PAPPA2: variants seen among roughly 807,000 people sequenced by gnomAD.
PAPPA2 encodes the protein pappalysin 2, also known as pappalysin-2.
PAPPA2 carries 86 observed loss-of-function variants against 176.4 expected under a neutral mutation model. The observed-to-expected ratio is 0.49, with a 90% CI of 0.41 to 0.58. PAPPA2 has a LOEUF of 0.58. PAPPA2 is among the 20% of genes least tolerant of loss of function. The pLI, the probability that PAPPA2 is intolerant of heterozygous loss-of-function variation, is 0.00. For synonymous variants in PAPPA2, 809 were observed against 852.2 expected (o/e 0.95, Z 0.88); for missense variants, 2,073 against 2,256.9 (o/e 0.92, Z 1.65).
intron 12 of PAPPA2, among the ~76,000 whole-genome samples, chr1:176,716,117 A>G (rs909258847): frequency 1.3e-5 from 2 of 151,850 alleles, no homozygotes; most frequent in Non-Finnish European, 2.9e-5. Context: ...TGACTATCAA[A>G]AATGTTCTCC....
chr1:176,480,791 C>T (rs1170586212), intron 1 of PAPPA2, among the ~76,000 whole-genome samples: 1 of 152,040 alleles, frequency 6.6e-6, no homozygotes, highest in Non-Finnish European at 1.5e-5. Context: ...CAGGCTCTTG[C>T]CATCTTGCCA....
In PAPPA2 at chr1:176,637,656, G is replaced by A. The variant is rs566072389; in HGVS notation, c.1992-33314G>A. On this transcript the variant is annotated intron_variant, in intron 3 of 22. Transcript: ENST00000367662. The stretch of plus-strand genomic sequence containing the variant: ...ACAGCTTTTTCATGACTATTTGAAG[G>A]TGAGAAGGCATGGGATCTAATCCAA... Among the ~76,000 whole-genome samples the A allele has an allele frequency of 2.7e-4, 41 of 152,220 alleles. 1 individual carries two copies. Among genetic ancestry groups the A allele is most frequent in the Non-Finnish European group, 4.7e-4 (32 of 68,020 alleles).
chr1:176,765,620 C>T (rs3737759), intron 14 of PAPPA2, 46 bp from the exon 15 acceptor site: 552,071 of 1,572,296 alleles, frequency 0.35, 101,476 homozygotes, highest in Middle Eastern at 0.52. Flanking sequence ...CTCCTCCTTA[C>T]TGGTTCTCAA....
At chr1:176,840,679 G>A (rs1035651069) in intron 22 of PAPPA2, among the ~76,000 whole-genome samples, 6 of 152,000 alleles carry the variant, frequency 3.9e-5, no homozygotes, top group Admixed American at 2.6e-4. Flanking sequence ...CAAGCATCTC[G>A]CAGGCACATG....
chr1:176,613,794 G>A (rs1187852198), intron 3 of PAPPA2, among the ~76,000 whole-genome samples: 1 of 152,128 alleles, frequency 6.6e-6, no homozygotes, highest in African/African-American at 2.4e-5. Context: ...GAAAAATTCA[G>A]AATAAGAATA....
chr1:176,607,134 T>C (rs745735188), intron 3 of PAPPA2, among the ~76,000 whole-genome samples: 2 of 152,216 alleles, frequency 1.3e-5, no homozygotes, highest in African/African-American at 4.8e-5. Context: ...TTTTGTTACA[T>C]GTATAGAACG....
rs920604643 is a variant in PAPPA2, at chr1:176,843,009, T to G, written c.*555T>G. ...ATTTAAACATAATTATATAAATATA[T>G]TATATATATTATATTTTTTGCTGTT... On this transcript the variant is annotated 3_prime_UTR_variant, in exon 23 of 23. Coordinates refer to ENST00000367662, the MANE Select transcript of PAPPA2 (RefSeq NM_020318.3). 1 of 149,510 alleles carries G rather than the reference T, an allele frequency of 6.7e-6. No homozygotes were observed. Among genetic ancestry groups the G allele is most frequent in the South Asian group, 2.1e-4 (1 of 4,784 alleles). 9.3% of individuals were successfully genotyped at this position (149,510 alleles called of 1,614,324 possible). A position where few individuals can be genotyped will look rare whatever the true frequency, so the allele number is the denominator to read the frequency against.
At chr1:176,766,800 C>T (rs1663989075) in intron 15 of PAPPA2, among the ~76,000 whole-genome samples, 1 of 151,786 alleles carries the variant, frequency 6.6e-6, no homozygotes, top group Non-Finnish European at 1.5e-5. Context: ...AAAGGATGCA[C>T]CAGGGAAGAG....
chr1:176,514,539 A>G (rs1264146124), intron 1 of PAPPA2, among the ~76,000 whole-genome samples: 8 of 152,172 alleles, frequency 5.3e-5, no homozygotes, highest in African/African-American at 1.7e-4. Flanking sequence ...CCTTCACCAC[A>G]TGGATTTGAC....
chr1:176,833,489 A>G (rs185692381), intron 21 of PAPPA2, among the ~76,000 whole-genome samples: 2 of 152,336 alleles, frequency 1.3e-5, no homozygotes, highest in East Asian at 3.9e-4. Context: ...ACTTGATCAC[A>G]GATATTTGCA....
intron 14 of PAPPA2, among the ~76,000 whole-genome samples, chr1:176,743,216 C>T (rs989888147): frequency 2.6e-5 from 4 of 152,064 alleles, no homozygotes; most frequent in South Asian, 2.1e-4. Flanking sequence ...TCAAAGCATG[C>T]ACGGTTTTTA....
intron 3 of PAPPA2, among the ~76,000 whole-genome samples, chr1:176,628,334 C>T (rs1232473804): frequency 6.6e-6 from 1 of 152,122 alleles, no homozygotes; most frequent in African/African-American, 2.4e-5. Context: ...TATGTTTAGA[C>T]TGGGACATAG....
intron 1 of PAPPA2, among the ~76,000 whole-genome samples, chr1:176,471,064 G>A (rs1203373092): frequency 1.3e-5 from 2 of 152,104 alleles, no homozygotes; most frequent in Non-Finnish European, 2.9e-5. Context: ...CTCTTTGAGT[G>A]GGATTCATGC....
At chr1:176,805,737 C>T (rs981247248) in intron 21 of PAPPA2, among the ~76,000 whole-genome samples, 1 of 152,116 alleles carries the variant, frequency 6.6e-6, no homozygotes, top group African/African-American at 2.4e-5. Context: ...AATCCCAACA[C>T]TTTGAGAGGC....
At chr1:176,563,899 C>T (rs1472446390) in intron 2 of PAPPA2, among the ~76,000 whole-genome samples, 1 of 151,428 alleles carries the variant, frequency 6.6e-6, no homozygotes, top group East Asian at 1.9e-4. Context: ...TTGACTTTGG[C>T]TGGAGGACTC....
rs77726749 is a variant in PAPPA2 at position 176,477,301 on chromosome 1, T to C, written c.-917+13883T>C. On this transcript the variant is annotated intron_variant, in intron 1 of 22. Transcript: ENST00000367662. The stretch of plus-strand genomic sequence containing the variant: ...GGCTTAAATTGTAAAACCAGGACTT[T>C]CAAACAGTTACTCATGATCAACAAT... 2.0e-3 allele frequency among the ~76,000 whole-genome samples: 297 copies of C among 152,292 alleles called. 8 individuals carry two copies. In the East Asian group the frequency reaches 0.053, roughly 27 times the overall value.
chr1:176,817,262 T>C (rs1456047392), intron 21 of PAPPA2, among the ~76,000 whole-genome samples: 4 of 152,084 alleles, frequency 2.6e-5, no homozygotes, highest in Non-Finnish European at 4.4e-5. Flanking sequence ...GAGAAAATAC[T>C]ATGAGCACAG....
chr1:176,643,192 T>C (rs1451001667), intron 3 of PAPPA2, among the ~76,000 whole-genome samples: 1 of 151,798 alleles, frequency 6.6e-6, no homozygotes, highest in Non-Finnish European at 1.5e-5. Flanking sequence ...ATGAGAAAAT[T>C]GAGGTGCAAA....
chr1:176,544,144 A>G (rs1169509687), intron 1 of PAPPA2, among the ~76,000 whole-genome samples: 1 of 152,202 alleles, frequency 6.6e-6, no homozygotes, highest in East Asian at 1.9e-4. Flanking sequence ...CCTAGGGAAG[A>G]CCTCAATCTT....
Sources: allele counts gnomAD v4.1 joint callset (sites outside exome capture counted in the v4.1 genomes callset), GRCh38; gene constraint gnomAD v4.1.1; transcripts MANE v1.5; gene names NCBI Gene and HGNC (gene_info 2026-07-23, HGNC 2026-07-21).